Variants in SLC12A2 observed in about 807,000 individuals in gnomAD.
SLC12A2 encodes Na-K-2Cl cotransporter 1.
Under a neutral mutation model 136.3 loss-of-function variants are expected in SLC12A2, and 67 were observed. That is an observed-to-expected ratio of 0.49 (90% confidence interval 0.40 to 0.60). The LOEUF (loss-of-function observed/expected upper bound fraction) is 0.60. Among genes scored for constraint, SLC12A2 ranks in the 20% least tolerant of loss-of-function variants. The pLI, the probability that SLC12A2 is intolerant of heterozygous loss-of-function variation, is 0.00. For synonymous variants in SLC12A2, 619 were observed against 562.9 expected (o/e 1.10, Z -1.41); for missense variants, 1,322 against 1,534.7 (o/e 0.86, Z 2.32).
chr5:128,113,363 A>T (rs1206746521), intron 2 of SLC12A2, among the ~76,000 whole-genome samples: 1 of 152,210 alleles, frequency 6.6e-6, no homozygotes, highest in Non-Finnish European at 1.5e-5. Flanking sequence ...AAGCGTATGG[A>T]AGTTAACAAG....
At chr5:128,165,416 A>G (rs1290287026) in intron 17 of SLC12A2, among the ~76,000 whole-genome samples, 1 of 152,222 alleles carries the variant, frequency 6.6e-6, no homozygotes, top group Non-Finnish European at 1.5e-5. Flanking sequence ...AAGAAATAAC[A>G]CAGTGGGAAT....
chr5:128,148,277 A>C (rs1191732710), intron 11 of SLC12A2, among the ~76,000 whole-genome samples: 3 of 151,776 alleles, frequency 2.0e-5, no homozygotes, highest in Non-Finnish European at 4.4e-5. Flanking sequence ...TTGATTCTGC[A>C]GTCTTGTTCT....
intron 18 of SLC12A2, chr5:128,170,154 T>C (rs570053): frequency 6.6e-6 from 1 of 152,192 alleles, no homozygotes; most frequent in Admixed American, 6.5e-5. Flanking sequence ...TTTTTATAGC[T>C]TATAACAAAA....
At chr5:128,123,797 C>T (rs954930412) in intron 4 of SLC12A2, among the ~76,000 whole-genome samples, 2 of 152,084 alleles carry the variant, frequency 1.3e-5, no homozygotes, top group African/African-American at 4.8e-5. Context: ...TTAGCTATGT[C>T]CAGTTCATCA....
chr5:128,110,647 C>A, intron 1 of SLC12A2: 1 of 1,166,514 alleles, frequency 8.6e-7, no homozygotes, highest in Non-Finnish European at 1.3e-6. Flanking sequence ...CAGTGTTGTG[C>A]TGAAGCCAAG....
At chr5:128,119,375 C>G (rs979712506) in intron 4 of SLC12A2, among the ~76,000 whole-genome samples, 18 of 152,028 alleles carry the variant, frequency 1.2e-4, no homozygotes, top group Non-Finnish European at 2.5e-4. Flanking sequence ...TTCAAAGAGC[C>G]CCATTTTAAA....
chr5:128,114,745 T>A, intron 4 of SLC12A2, 64 bp downstream of exon 4: 1 of 972,836 alleles, frequency 1.0e-6, no homozygotes. Context: ...GTCTAAATTG[T>A]ATTTTTAATT....
At chr5:128,171,342 T>C (rs1007998620) in intron 18 of SLC12A2, among the ~76,000 whole-genome samples, 10 of 152,128 alleles carry the variant, frequency 6.6e-5, no homozygotes, top group Admixed American at 6.6e-4. Context: ...AATATAAATA[T>C]AGCGGGATTC....
At chr5:128,127,303 A>G (rs1032446532) in intron 4 of SLC12A2, among the ~76,000 whole-genome samples, 19 of 151,546 alleles carry the variant, frequency 1.3e-4, no homozygotes, top group Middle Eastern at 3.4e-3. Context: ...TTGTATTTTT[A>G]GTAGAGACGG....
chr5:128,088,590 G>A (rs1760191337), intron 1 of SLC12A2, among the ~76,000 whole-genome samples: 1 of 152,028 alleles, frequency 6.6e-6, no homozygotes, highest in African/African-American at 2.4e-5. Flanking sequence ...ACTATTTTGT[G>A]TTTTACTATT....
chr5:128,092,548 G>A (rs1760372902), intron 1 of SLC12A2, among the ~76,000 whole-genome samples: 1 of 151,990 alleles, frequency 6.6e-6, no homozygotes, highest in Admixed American at 6.6e-5. Flanking sequence ...TAAAGAATCA[G>A]GCAAAATTAA....
intron 4 of SLC12A2, among the ~76,000 whole-genome samples, chr5:128,127,311 C>G (rs958335632): frequency 4.6e-5 from 7 of 151,462 alleles, no homozygotes; most frequent in Non-Finnish European, 8.8e-5. Context: ...TTAGTAGAGA[C>G]GGGGTTTCAC....
intron 21 of SLC12A2, 79 bp downstream of exon 21, chr5:128,177,231 T>G (rs1439550203): frequency 1.9e-6 from 2 of 1,044,890 alleles, no homozygotes; most frequent in Non-Finnish European, 2.8e-6. Flanking sequence ...TCCCTTTTTT[T>G]TAACCTTGGT....
intron 1 of SLC12A2, chr5:128,109,966 A>G: frequency 2.2e-6 from 2 of 930,082 alleles, no homozygotes; most frequent in Non-Finnish European, 3.6e-6. Context: ...GCTCAGATTC[A>G]GAGAGATCTG....
intron 16 of SLC12A2, among the ~76,000 whole-genome samples, chr5:128,158,997 G>C (rs1481740886): frequency 6.7e-6 from 1 of 150,308 alleles, no homozygotes; most frequent in Non-Finnish European, 1.5e-5. Context: ...AATTTGACAA[G>C]CCAACTTTTT....
intron 1 of SLC12A2, among the ~76,000 whole-genome samples, chr5:128,108,934 T>C (rs1357719411): frequency 6.6e-6 from 1 of 152,230 alleles, no homozygotes; most frequent in Non-Finnish European, 1.5e-5. Context: ...TGGTTGATAA[T>C]AGTTATGAAA....
At chr5:128,172,977 CA>C (rs371656696) in intron 19 of SLC12A2, among the ~76,000 whole-genome samples, 27 of 140,086 alleles carry the variant, frequency 1.9e-4, no homozygotes, top group African/African-American at 5.1e-4. Flanking sequence ...AAACAAAAAA[CA>C]AAAAAAAAAC....
intron 25 of SLC12A2, 57 bp downstream of exon 25, chr5:128,184,558 C>A: frequency 6.9e-7 from 1 of 1,440,260 alleles, no homozygotes; most frequent in South Asian, 1.4e-5. Context: ...ACATGAAAAC[C>A]AAGAACTTTA....
intron 18 of SLC12A2, chr5:128,170,277 ATT>A (rs1491460491): frequency 6.6e-6 from 1 of 152,112 alleles, no homozygotes; most frequent in Non-Finnish European, 1.5e-5. Flanking sequence ...GCTTATAGTT[ATT>A]TTTTCTCTAG....
Sources: gnomAD v4.1 joint callset for allele counts (sites outside exome capture counted in the v4.1 genomes callset) on GRCh38, gnomAD v4.1.1 for gene constraint, MANE v1.5 for transcripts, NCBI Gene and HGNC (gene_info 2026-07-23, HGNC 2026-07-21) for gene names.